The following NMNAT3 variants were observed in gnomAD, a reference collection of about 807,000 sequenced individuals.
The protein encoded by NMNAT3 is nicotinamide/nicotinic acid mononucleotide adenylyltransferase 3.
In NMNAT3, 21 loss-of-function variants were observed where a neutral mutation model predicts 24.8. The ratio of observed to expected loss-of-function variants is 0.85; its 90% CI spans 0.60 to 1.22. NMNAT3 has a LOEUF of 1.22. NMNAT3 is among the 50% of genes most tolerant of loss of function. The pLI, the probability that NMNAT3 is intolerant of heterozygous loss-of-function variation, is 0.00. For missense variants in NMNAT3, 387 were observed against 436.6 expected, an observed-to-expected ratio of 0.89 and a Z score of 1.01; for synonymous variants, 136 against 155.2, an observed-to-expected ratio of 0.88 and a Z score of 0.92.
intron 3 of NMNAT3, among the ~76,000 whole-genome samples, chr3:139,591,517 G>A (rs907467096): frequency 6.6e-6 from 1 of 152,134 alleles, no homozygotes; most frequent in African/African-American, 2.4e-5. Context: ...CTGGGGGCAG[G>A]GTACAGACAA....
chr3:139,628,777 T>C (rs1208165626), intron 2 of NMNAT3, among the ~76,000 whole-genome samples: 2 of 152,222 alleles, frequency 1.3e-5, no homozygotes, highest in East Asian at 1.9e-4. Flanking sequence ...AGACCCTCTC[T>C]GAGCCTCAGG....
intron 3 of NMNAT3, among the ~76,000 whole-genome samples, chr3:139,583,894 T>G (rs979189646): frequency 6.6e-6 from 1 of 152,248 alleles, no homozygotes; most frequent in Non-Finnish European, 1.5e-5. Context: ...TGATATTCTT[T>G]TATCTGTTTA....
At chr3:139,587,549 G>C (rs981927703) in intron 3 of NMNAT3, among the ~76,000 whole-genome samples, 6 of 152,112 alleles carry the variant, frequency 3.9e-5, no homozygotes, top group Non-Finnish European at 8.8e-5. Context: ...ATGCACTCTT[G>C]GGGAGGTAGG....
intron 1 of NMNAT3, among the ~76,000 whole-genome samples, chr3:139,674,917 C>T (rs1357297506): frequency 6.6e-6 from 1 of 152,278 alleles, no homozygotes; most frequent in East Asian, 1.9e-4. Flanking sequence ...ATGCTCCTAA[C>T]AGCCCTATGA....
At chr3:139,663,003 C>T (rs936838993) in intron 1 of NMNAT3, among the ~76,000 whole-genome samples, 7 of 152,346 alleles carry the variant, frequency 4.6e-5, no homozygotes, top group African/African-American at 1.7e-4. Flanking sequence ...GCTGTTGCAA[C>T]TACTCCAAGC....
At chr3:139,656,909 C>T (rs1339295018) in intron 1 of NMNAT3, among the ~76,000 whole-genome samples, 2 of 152,330 alleles carry the variant, frequency 1.3e-5, no homozygotes, top group East Asian at 3.9e-4. Context: ...TAACAAATCA[C>T]TAGTAACTAA....
chr3:139,650,515 A>C (rs1027654532), intron 1 of NMNAT3, among the ~76,000 whole-genome samples: 1 of 152,208 alleles, frequency 6.6e-6, no homozygotes, highest in Non-Finnish European at 1.5e-5. Flanking sequence ...TGAGTACTGG[A>C]GAGGTGATGT....
chr3:139,620,035 T>C (rs2055689427), intron 3 of NMNAT3, among the ~76,000 whole-genome samples: 1 of 152,198 alleles, frequency 6.6e-6, no homozygotes, highest in South Asian at 2.1e-4. Flanking sequence ...TTGATTTGTT[T>C]GAATCAGGAT....
intron 1 of NMNAT3, among the ~76,000 whole-genome samples, chr3:139,653,212 G>A (rs1197262390): frequency 6.6e-6 from 1 of 151,978 alleles, no homozygotes; most frequent in East Asian, 1.9e-4. Context: ...GCTCCTAAGA[G>A]GTCATCCTGT....
At chr3:139,575,646 T>G (rs1939188344) in intron 5 of NMNAT3, 1 of 1,017,476 alleles carries the variant, frequency 9.8e-7, no homozygotes, top group Non-Finnish European at 1.2e-6. Flanking sequence ...AACTTTGTTG[T>G]GGAAATAATT....
chr3:139,578,814 G>A (rs1211392591), intron 5 of NMNAT3, 58 bp downstream of exon 5: 4 of 1,477,456 alleles, frequency 2.7e-6, no homozygotes, highest in Non-Finnish European at 3.7e-6. Context: ...TACCCTGTAA[G>A]CTCTGCAGAC....
chr3:139,675,657 G>A (rs1413029583), intron 1 of NMNAT3, among the ~76,000 whole-genome samples: 1 of 152,024 alleles, frequency 6.6e-6, no homozygotes, highest in Non-Finnish European at 1.5e-5. Context: ...TCCTCATACT[G>A]CCTCCACTCC....
At chr3:139,584,176 TA>T (rs1245358745) in intron 3 of NMNAT3, 1 of 153,218 alleles carries the variant, frequency 6.5e-6, no homozygotes, top group Non-Finnish European at 1.5e-5. Flanking sequence ...GATGTATGCC[TA>T]ACTAATTAAT....
intron 3 of NMNAT3, among the ~76,000 whole-genome samples, chr3:139,612,327 G>C (rs2055263783): frequency 6.6e-6 from 1 of 152,144 alleles, no homozygotes; most frequent in South Asian, 2.1e-4. Flanking sequence ...AGTTCACTCA[G>C]AATAAGTCAT....
intron 3 of NMNAT3, among the ~76,000 whole-genome samples, chr3:139,609,252 G>A (rs1282253358): frequency 6.6e-6 from 1 of 152,234 alleles, no homozygotes; most frequent in African/African-American, 2.4e-5. Context: ...ATAAATGCCT[G>A]TGAGTGCAAC....
intron 6 of NMNAT3, chr3:139,567,038 T>C (rs1484126034): frequency 1.3e-5 from 2 of 151,614 alleles, no homozygotes; most frequent in African/African-American, 4.8e-5. Context: ...TTTTATTTCA[T>C]TGAGCAGTGG....
At position 139,647,166 on chromosome 3, in the gene NMNAT3, A is replaced by G. The variant is rs75687661; in HGVS notation, c.-140-9104T>C. Among the ~76,000 whole-genome samples the G allele has an allele frequency of 3.1e-3, 473 of 152,310 alleles. 1 individual carries two copies. The highest frequency in any genetic ancestry group is 0.011 in the African/African-American group (441 of 41,544). On this transcript the variant is annotated intron_variant, in intron 1 of 6. Transcript: ENST00000643695. ...AAAAATGAAGATGGGCACGTTTGTAATTTCACTCATTACAGTTGTGCATGC... is the reference window on the plus strand; with the variant it reads ...AAAAATGAAGATGGGCACGTTTGTAGTTTCACTCATTACAGTTGTGCATGC...
chr3:139,678,044 A>G (rs1232508980), upstream of NMNAT3: 1 of 76,878 alleles, frequency 1.3e-5, no homozygotes, highest in East Asian at 5.7e-4. Context: ...GGCCCCGCCC[A>G]GGGTCCTAAG....
At chr3:139,601,978 C>T (rs1037613373) in intron 3 of NMNAT3, among the ~76,000 whole-genome samples, 5 of 152,140 alleles carry the variant, frequency 3.3e-5, no homozygotes, top group Non-Finnish European at 5.9e-5. Context: ...AACTGAAGCT[C>T]GATGATGCCT....
Sources: gnomAD v4.1 joint callset for allele counts (sites outside exome capture counted in the v4.1 genomes callset) on GRCh38, gnomAD v4.1.1 for gene constraint, MANE v1.5 for transcripts, NCBI Gene and HGNC (gene_info 2026-07-23, HGNC 2026-07-21) for gene names.